The following ARAP1 variants were observed in gnomAD, a reference collection of about 807,000 sequenced individuals.
ARAP1 encodes ArfGAP with RhoGAP domain, ankyrin repeat and PH domain 1.
Under a neutral mutation model 172.2 loss-of-function variants are expected in ARAP1, and 76 were observed. The observed-to-expected ratio is 0.44, with a 90% CI of 0.37 to 0.53. The LOEUF (loss-of-function observed/expected upper bound fraction) is 0.53, where lower values mean the gene tolerates loss of function less well. Ranked by LOEUF, ARAP1 falls within the 20% of genes least tolerant of loss-of-function variation. The pLI is 0.00. For missense variants in ARAP1, 1,686 were observed against 1,977.5 expected (o/e 0.85, Z 2.80); for synonymous variants, 804 against 803.3 (o/e 1.00, Z -0.01).
chr11:72,687,658 C>T (rs756342724), intron 32 of ARAP1, 30 bp downstream of exon 32: 2 of 1,614,180 alleles, frequency 1.2e-6, no homozygotes, highest in Non-Finnish European at 8.5e-7. Context: ...TTTCCTCAGC[C>T]TGGGATCTCA....
At chr11:72,721,827 AGCAACGGCG>A (rs1857522855) in intron 3 of ARAP1, 1 of 985,680 alleles carries the variant, frequency 1.0e-6, no homozygotes, top group Non-Finnish European at 1.2e-6. Context: ...CAGCAACAAC[AGCAACGGCG>A]GCACCTCGCT....
chr11:72,692,883 G>A (rs1856002146), intron 29 of ARAP1, 98 bp from the exon 30 acceptor site: 3 of 1,476,020 alleles, frequency 2.0e-6, no homozygotes, highest in East Asian at 2.3e-5. Flanking sequence ...TGTATGGCAT[G>A]TATGTGCAGA....
intron 30 of ARAP1, chr11:72,688,992 T>C (rs1362076035): frequency 6.2e-6 from 1 of 161,212 alleles, no homozygotes. Context: ...TCTCAGATTA[T>C]TCATTTCTCA....
At position 72,693,934 on chromosome 11, in the gene ARAP1, A is replaced by C. The variant is rs2135498065; in HGVS notation, c.3695-129T>G. 1 of 702,648 alleles carries C rather than the reference A, an allele frequency of 1.4e-6. No individual in the cohort carries two copies. Among genetic ancestry groups the C allele is most frequent in the Non-Finnish European group, 2.3e-6 (1 of 427,554 alleles). 43.5% of individuals were successfully genotyped at this position (702,648 alleles called of 1,614,324 possible). A position where few individuals can be genotyped will look rare whatever the true frequency, so the allele number is the denominator to read the frequency against. The stretch of plus-strand genomic sequence containing the variant: ...CCATATGCAAGTGCCACGACACAAA[A>C]CACCACCATCATGACCACCCTTCCC... On this transcript the variant is annotated intron_variant, in intron 27 of 34. Coordinates refer to ENST00000393609, the MANE Select transcript of ARAP1 (RefSeq NM_001040118.3). The surrounding 1 kb of genome is among the most constrained non-coding windows in gnomAD (Gnocchi z 4.6).
Position 72,693,851 on chromosome 11 carries a change from T to C in ARAP1, c.3695-46A>G. ...CCGTCACTGGGACCACATGGCCCGATACCACCAAAGGCTGGCAGATGGGCA... is the reference window on the plus strand; with the variant it reads ...CCGTCACTGGGACCACATGGCCCGACACCACCAAAGGCTGGCAGATGGGCA... On this transcript the variant is annotated intron_variant, in intron 27 of 34. Coordinates refer to ENST00000393609, the MANE Select transcript of ARAP1 (RefSeq NM_001040118.3). This position sits in a 1 kb window ranked among gnomAD's most constrained non-coding sequence, Gnocchi z 4.6. The C allele has an allele frequency of 6.7e-7, 1 of 1,494,940 alleles. No individual in the cohort carries two copies. Among genetic ancestry groups the C allele is most frequent in the Non-Finnish European group, 9.0e-7 (1 of 1,105,310 alleles). 92.6% of individuals were successfully genotyped at this position (1,494,940 alleles called of 1,614,324 possible).
At chr11:72,729,072 G>A (rs1172939009) in intron 2 of ARAP1, among the ~76,000 whole-genome samples, 1 of 152,186 alleles carries the variant, frequency 6.6e-6, no homozygotes, top group African/African-American at 2.4e-5. Context: ...TGGTAACAGT[G>A]CATGAACAGA....
At chr11:72,700,803 A>C (rs1856449035) in intron 16 of ARAP1, among the ~76,000 whole-genome samples, 1 of 152,242 alleles carries the variant, frequency 6.6e-6, no homozygotes, top group Non-Finnish European at 1.5e-5. Flanking sequence ...CGGGAGTTTG[A>C]GACCAACCTG....
intron 1 of ARAP1, among the ~76,000 whole-genome samples, chr11:72,745,802 C>G (rs891271384): frequency 6.6e-6 from 1 of 152,102 alleles, no homozygotes. Context: ...TTCTCCTGGA[C>G]GACTGCCTGG....
chr11:72,692,705 GC>G, intron 30 of ARAP1, 47 bp downstream of exon 30: 1 of 1,611,918 alleles, frequency 6.2e-7, no homozygotes. Context: ...AGCTCATTTG[GC>G]CCCCAGGTGG....
At chr11:72,722,080 G>A in intron 3 of ARAP1, 1 of 985,510 alleles carries the variant, frequency 1.0e-6, no homozygotes, top group Non-Finnish European at 1.2e-6. Context: ...TTAAGTGTTT[G>A]TGAATCACTT....
chr11:72,720,683 C>G (rs1008428710), intron 3 of ARAP1, among the ~76,000 whole-genome samples: 2 of 152,222 alleles, frequency 1.3e-5, no homozygotes, highest in African/African-American at 4.8e-5. Context: ...TCACCCAGCT[C>G]TCAGCACTTC....
rs1372674369 is a variant in ARAP1 at position 72,741,403 on chromosome 11, A to G, written c.-127-8806T>C. 6.6e-6 allele frequency among the ~76,000 whole-genome samples: 1 copy of G among 151,918 alleles called. No individual in the cohort carries two copies. Among genetic ancestry groups the G allele is most frequent in the Non-Finnish European group, 1.5e-5 (1 of 67,966 alleles). ...CAGGCCCTTCCCACTTAGAAAGGTG[A>G]CTCAACCAGCCCCACACCTACAGAG... On this transcript the variant is annotated intron_variant, in intron 1 of 34. Coordinates refer to ENST00000393609, the MANE Select transcript of ARAP1 (RefSeq NM_001040118.3). The surrounding 1 kb of genome is among the most constrained non-coding windows in gnomAD (Gnocchi z 4.5).
At chr11:72,737,159 A>G (rs1415095635) in intron 1 of ARAP1, among the ~76,000 whole-genome samples, 1 of 152,068 alleles carries the variant, frequency 6.6e-6, no homozygotes, top group Admixed American at 6.6e-5. Flanking sequence ...ACCTCCACCC[A>G]ATCCCCCATG....
intron 3 of ARAP1, among the ~76,000 whole-genome samples, chr11:72,716,574 G>A (rs1346900150): frequency 3.9e-5 from 6 of 152,274 alleles, no homozygotes; most frequent in African/African-American, 1.4e-4. Context: ...TTCGCTCAGT[G>A]TGGTGACTTG....
chr11:72,737,102 C>T (rs1046168496), intron 1 of ARAP1, among the ~76,000 whole-genome samples: 4 of 152,212 alleles, frequency 2.6e-5, no homozygotes, highest in Non-Finnish European at 1.5e-5. Context: ...CCCCATATCT[C>T]GGCACTGCTT....
chr11:72,722,314 T>C lies in ARAP1; in HGVS notation c.509+4306A>G, dbSNP rs143915243. 6.8e-4 allele frequency: 672 copies of C among 985,622 alleles called. 19 individuals are homozygous for C. In the Admixed American group the frequency reaches 0.031, roughly 45 times the overall value. The allele number at this position is 985,622 out of a possible 1,614,324, so 61.1% of individuals were successfully genotyped here. The stretch of plus-strand genomic sequence containing the variant: ...GTGTCTCCCCCACCTCCTGCAGCCG[T>C]GGCCAACACACACACTTCCTGAAAA... On this transcript the variant is annotated intron_variant, in intron 3 of 34. Transcript: ENST00000393609.
Position 72,686,198 on chromosome 11 carries a change from A to G in ARAP1, c.4186-7T>C, listed in dbSNP as rs1855676944. On this transcript the variant is annotated splice_polypyrimidine_tract_variant and splice_region_variant and intron_variant, in intron 33 of 34. Transcript: ENST00000393609. ...GCCACACCAGGCCGTCATGCTGGGGAGCAGAGAGGAAGGGGCTGGGCTCAG... is the reference window on the plus strand; with the variant it reads ...GCCACACCAGGCCGTCATGCTGGGGGGCAGAGAGGAAGGGGCTGGGCTCAG... 6.2e-7 allele frequency: 1 copy of G among 1,609,702 alleles called. No individual in the cohort carries two copies. The highest frequency in any genetic ancestry group is 8.5e-7 in the Non-Finnish European group (1 of 1,177,144).
chr11:72,703,126 C>A, intron 14 of ARAP1, 47 bp from the exon 15 acceptor site: 1 of 1,480,442 alleles, frequency 6.8e-7, no homozygotes, highest in Admixed American at 2.5e-5. Context: ...GTAGGGGGCC[C>A]ACAAGGAAAG....
chr11:72,699,381 T>C lies in ARAP1; in HGVS notation c.2438+36A>G, dbSNP rs758880183. On this transcript the variant is annotated intron_variant, in intron 17 of 34. Coordinates refer to ENST00000393609, the MANE Select transcript of ARAP1 (RefSeq NM_001040118.3). This position sits in a 1 kb window ranked among gnomAD's most constrained non-coding sequence, Gnocchi z 4.2. ...CTCCCCAGTGGGGGATTGTACCTTA[T>C]AGCAACCACAGTCTGATTTGCCCAG... 2.5e-6 allele frequency: 4 copies of C among 1,613,566 alleles called. No individual in the cohort carries two copies. In the Admixed American group the frequency reaches 5.0e-5, roughly 20 times the overall value.
Sources: allele counts gnomAD v4.1 joint callset (sites outside exome capture counted in the v4.1 genomes callset), GRCh38; gene constraint gnomAD v4.1.1; non-coding constraint Gnocchi (gnomAD v3.1); transcripts MANE v1.5; gene names NCBI Gene and HGNC (gene_info 2026-07-23, HGNC 2026-07-21).